PITPNC1: variants seen among roughly 807,000 people sequenced by gnomAD.
PITPNC1 encodes the protein cytoplasmic phosphatidylinositol transfer protein 1.
In PITPNC1, 18 loss-of-function variants were observed where a neutral mutation model predicts 44.7. That is an observed-to-expected ratio of 0.40 (90% CI 0.28 to 0.60). The LOEUF (loss-of-function observed/expected upper bound fraction) is 0.60, where lower values mean the gene tolerates loss of function less well. PITPNC1 is among the 20% of genes least tolerant of loss of function. PITPNC1 has a pLI of 0.39. For synonymous variants in PITPNC1, 141 were observed against 149.6 expected (o/e 0.94, Z 0.42); for missense variants, 290 against 418.4 (o/e 0.69, Z 2.68).
intron 2 of PITPNC1, among the ~76,000 whole-genome samples, chr17:67,546,223 T>A: frequency 6.6e-6 from 1 of 151,660 alleles, no homozygotes; most frequent in Admixed American, 6.6e-5. Flanking sequence ...GTATATCGTC[T>A]AGAATATATA....
chr17:67,673,915 C>T (rs1460052840), intron 7 of PITPNC1, among the ~76,000 whole-genome samples: 4 of 137,866 alleles, frequency 2.9e-5, no homozygotes, highest in Admixed American at 8.3e-5. Flanking sequence ...CGCAGTGAGC[C>T]GAGATGGCGC....
chr17:67,672,153 C>T (rs946823981), intron 7 of PITPNC1, among the ~76,000 whole-genome samples: 5 of 152,002 alleles, frequency 3.3e-5, no homozygotes, highest in East Asian at 3.9e-4. Context: ...AGGCCAGTCT[C>T]GAACTCCTAA....
chr17:67,565,019 T>C (rs1247181706), intron 4 of PITPNC1, among the ~76,000 whole-genome samples: 1 of 152,188 alleles, frequency 6.6e-6, no homozygotes, highest in African/African-American at 2.4e-5. Flanking sequence ...TCAATGTTTT[T>C]CAGTGTGTAT....
chr17:67,512,486 G>C (rs1485586419), intron 1 of PITPNC1, among the ~76,000 whole-genome samples: 3 of 131,806 alleles, frequency 2.3e-5, no homozygotes, highest in Non-Finnish European at 3.2e-5. Flanking sequence ...GGGCGACAGA[G>C]TGAGACTGTG....
chr17:67,657,190 G>C (rs972324490), intron 6 of PITPNC1, among the ~76,000 whole-genome samples: 2 of 141,332 alleles, frequency 1.4e-5, no homozygotes, highest in African/African-American at 5.2e-5. Context: ...GTTTTGTTTT[G>C]TTTTTGGCTC....
intron 1 of PITPNC1, among the ~76,000 whole-genome samples, chr17:67,388,971 A>G (rs1425315458): frequency 6.6e-6 from 1 of 152,186 alleles, no homozygotes; most frequent in Non-Finnish European, 1.5e-5. Flanking sequence ...ACACCCATTT[A>G]TTAGCACACA....
chr17:67,399,000 A>T (rs2038264338), intron 1 of PITPNC1, among the ~76,000 whole-genome samples: 1 of 140,440 alleles, frequency 7.1e-6, no homozygotes, highest in Admixed American at 7.1e-5. Context: ...TAGTTGTAAG[A>T]GGATCAGCTT....
At chr17:67,680,889 T>A (rs1397645399) in intron 8 of PITPNC1, among the ~76,000 whole-genome samples, 1 of 152,260 alleles carries the variant, frequency 6.6e-6, no homozygotes, top group Non-Finnish European at 1.5e-5. Flanking sequence ...TGTTCAAGAC[T>A]TTTATTTTGA....
chr17:67,443,253 G>A (rs891847840), intron 1 of PITPNC1, among the ~76,000 whole-genome samples: 2 of 151,960 alleles, frequency 1.3e-5, no homozygotes, highest in African/African-American at 4.8e-5. Flanking sequence ...TTGTGCCCCT[G>A]TCTCCTGAAT....
At chr17:67,590,661 G>T (rs185741960) in intron 5 of PITPNC1, among the ~76,000 whole-genome samples, 2 of 152,240 alleles carry the variant, frequency 1.3e-5, no homozygotes, top group East Asian at 1.9e-4. Context: ...AATGGAAATA[G>T]AAATAATTTT....
chr17:67,391,343 G>A (rs927471623), intron 1 of PITPNC1, among the ~76,000 whole-genome samples: 105 of 152,036 alleles, frequency 6.9e-4, no homozygotes, highest in African/African-American at 2.5e-3. Flanking sequence ...CCCGCCCCAT[G>A]TCATCTTACA....
chr17:67,599,026 A>ATTTTT (rs2041501882), intron 5 of PITPNC1, among the ~76,000 whole-genome samples: 1 of 32,460 alleles, frequency 3.1e-5, no homozygotes, highest in African/African-American at 1.4e-4. Context: ...ATATATATAT[A>ATTTTT]TATATATATT....
chr17:67,535,115 G>T (rs1448045701), intron 2 of PITPNC1, among the ~76,000 whole-genome samples: 1 of 152,218 alleles, frequency 6.6e-6, no homozygotes, highest in East Asian at 1.9e-4. Flanking sequence ...CCTGAGTCAT[G>T]ATGAAATGCA....
rs1267478496 is a variant in PITPNC1 at position 67,695,627 on chromosome 17, T to TATAA, written c.*2742_*2743insAATA. 1.4e-5 allele frequency: 2 copies of TATAA among 139,874 alleles called. No individual in the cohort carries two copies. The highest frequency in any genetic ancestry group is 7.1e-5 in the Admixed American group (1 of 14,142). The allele number at this position is 139,874 out of a possible 1,614,324, so 8.7% of individuals were successfully genotyped here. The stretch of plus-strand genomic sequence containing the variant: ...CTGTGTATATATATATATATATATA[T>TATAA]ATATAAATATAAATATAGTATAGTG... On this transcript the variant is annotated 3_prime_UTR_variant, in exon 9 of 9. Transcript: ENST00000581322.
chr17:67,500,645 T>A (rs2040013891), intron 1 of PITPNC1, among the ~76,000 whole-genome samples: 1 of 98,992 alleles, frequency 1.0e-5, no homozygotes, highest in South Asian at 4.2e-4. Flanking sequence ...GAATTATATC[T>A]CAATTTTTTT....
At chr17:67,399,632 T>A (rs1394216752) in intron 1 of PITPNC1, among the ~76,000 whole-genome samples, 2 of 152,228 alleles carry the variant, frequency 1.3e-5, no homozygotes, top group African/African-American at 2.4e-5. Context: ...TGCATTAAAA[T>A]GATGTATAAC....
At chr17:67,625,298 G>A (rs1379972848) in intron 5 of PITPNC1, among the ~76,000 whole-genome samples, 2 of 152,100 alleles carry the variant, frequency 1.3e-5, no homozygotes, top group South Asian at 2.1e-4. Context: ...AGGAGCAAAC[G>A]AGACCATGAA....
intron 1 of PITPNC1, among the ~76,000 whole-genome samples, chr17:67,400,247 A>C (rs1440510077): frequency 2.0e-5 from 3 of 152,234 alleles, no homozygotes; most frequent in Non-Finnish European, 4.4e-5. Flanking sequence ...TGTCATAGTC[A>C]TAAAGGCTTA....
intron 1 of PITPNC1, among the ~76,000 whole-genome samples, chr17:67,470,738 A>G (rs1350574366): frequency 2.0e-5 from 3 of 152,086 alleles, no homozygotes; most frequent in African/African-American, 4.8e-5. Context: ...CAGGATGACA[A>G]TGGCGGCTTT....
Sources: allele counts gnomAD v4.1 joint callset (sites outside exome capture counted in the v4.1 genomes callset), GRCh38; gene constraint gnomAD v4.1.1; transcripts MANE v1.5; gene names NCBI Gene and HGNC (gene_info 2026-07-23, HGNC 2026-07-21).